Variants in FAM167A observed in about 807,000 individuals in gnomAD.
FAM167A encodes the protein family with sequence similarity 167 member A.
A neutral mutation model predicts 14.9 loss-of-function variants in FAM167A; 23 were observed. The observed-to-expected ratio is 1.55, with a 90% confidence interval of 1.11 to 2.19. FAM167A has a LOEUF of 2.19. FAM167A is among the 30% of genes most tolerant of loss of function. FAM167A has a pLI of 0.00. For synonymous variants in FAM167A, 174 were observed against 117.7 expected (o/e 1.48, Z -3.10); for missense variants, 401 against 281.5 (o/e 1.42, Z -3.04).
chr8:11,473,087 G>A lies in FAM167A; in HGVS notation c.-398+2779C>T, dbSNP rs1200587831. 2.6e-5 allele frequency among the ~76,000 whole-genome samples: 4 copies of A among 152,358 alleles called. No homozygotes were observed. In the East Asian group the frequency reaches 5.8e-4, roughly 22 times the overall value. On this transcript the variant is annotated intron_variant, in intron 1 of 1. Transcript: ENST00000648766. ...GAGGTGGCCCTTGACCTGCAGGCAA[G>A]ACCAGGACCTGCAGTAGAGCTCTGC...
chr8:11,472,774 T>C (rs1420937801), intron 1 of FAM167A, among the ~76,000 whole-genome samples: 1 of 152,156 alleles, frequency 6.6e-6, no homozygotes, highest in Non-Finnish European at 1.5e-5. Flanking sequence ...TCACTTCCTT[T>C]GGTTGGATGG....
At chr8:11,452,504 A>G (rs1376387988) in intron 1 of FAM167A, among the ~76,000 whole-genome samples, 1 of 152,188 alleles carries the variant, frequency 6.6e-6, no homozygotes, top group Non-Finnish European at 1.5e-5. Context: ...AGAGGCAGAA[A>G]GAGCATGAAG....
intron 1 of FAM167A, among the ~76,000 whole-genome samples, chr8:11,463,485 G>C (rs1016720737): frequency 6.6e-6 from 1 of 152,194 alleles, no homozygotes; most frequent in Non-Finnish European, 1.5e-5. Context: ...GCTCGCAGAG[G>C]CTCCGCTGGC....
At chr8:11,447,445 G>A (rs946417568) in intron 1 of FAM167A, among the ~76,000 whole-genome samples, 1 of 152,198 alleles carries the variant, frequency 6.6e-6, no homozygotes, top group Non-Finnish European at 1.5e-5. Context: ...ACCATGTCAG[G>A]ACCATCTGGT....
chr8:11,448,321 G>T (rs115514143), intron 1 of FAM167A, among the ~76,000 whole-genome samples: 2 of 149,752 alleles, frequency 1.3e-5, no homozygotes, highest in Admixed American at 1.3e-4. Context: ...CATCTACCTC[G>T]TAAGTCCTAA....
At chr8:11,471,199 G>A (rs981856444), upstream of FAM167A, among the ~76,000 whole-genome samples, 5 of 152,216 alleles carry the variant, frequency 3.3e-5, no homozygotes, top group African/African-American at 1.2e-4. Context: ...TGAGGCAGCA[G>A]AGGGAACTGC....
intron 1 of FAM167A, among the ~76,000 whole-genome samples, chr8:11,462,232 T>C (rs1807569265): frequency 1.3e-5 from 2 of 152,110 alleles, no homozygotes; most frequent in Non-Finnish European, 1.5e-5. Context: ...TGGAGCAAGT[T>C]AGAACAGGGC....
At chr8:11,463,466 G>T (rs1377035972) in intron 1 of FAM167A, among the ~76,000 whole-genome samples, 1 of 152,232 alleles carries the variant, frequency 6.6e-6, no homozygotes, top group Non-Finnish European at 1.5e-5. Flanking sequence ...GGGCTGCTGT[G>T]CCCAGCCAGC....
intron 1 of FAM167A, among the ~76,000 whole-genome samples, chr8:11,450,453 G>C (rs532043696): frequency 6.6e-6 from 1 of 152,244 alleles, no homozygotes; most frequent in South Asian, 2.1e-4. Flanking sequence ...AGACAGGTTC[G>C]GGACCTTGCC....
chr8:11,453,527 C>T (rs996272705), intron 1 of FAM167A, among the ~76,000 whole-genome samples: 6 of 152,170 alleles, frequency 3.9e-5, no homozygotes, highest in Admixed American at 1.3e-4. Flanking sequence ...CCCAGTGGCA[C>T]TCAGACTGTA....
At chr8:11,439,479 C>T (rs1434412975) in intron 2 of FAM167A, among the ~76,000 whole-genome samples, 5 of 152,278 alleles carry the variant, frequency 3.3e-5, no homozygotes, top group African/African-American at 1.2e-4. Context: ...CTCGAAGCCA[C>T]GCTGTGGCCA....
intron 2 of FAM167A, among the ~76,000 whole-genome samples, chr8:11,426,909 A>G (rs984157485): frequency 6.6e-6 from 1 of 152,196 alleles, no homozygotes. Context: ...GTCTCAGGCG[A>G]GCAGAGGGAT....
chr8:11,453,074 T>G (rs1429121951), intron 1 of FAM167A, among the ~76,000 whole-genome samples: 1 of 152,190 alleles, frequency 6.6e-6, no homozygotes, highest in Admixed American at 6.5e-5. Context: ...CGCTGTCCCC[T>G]TCTCCACAAA....
At chr8:11,456,294 G>A (rs1807293342) in intron 1 of FAM167A, among the ~76,000 whole-genome samples, 1 of 152,034 alleles carries the variant, frequency 6.6e-6, no homozygotes, top group Admixed American at 6.5e-5. Context: ...GTATCAGTGT[G>A]AGTGTGAGGT....
At chr8:11,439,549 A>C (rs761141557) in intron 2 of FAM167A, among the ~76,000 whole-genome samples, 50 of 140,394 alleles carry the variant, frequency 3.6e-4, no homozygotes, top group Non-Finnish European at 5.9e-4. Context: ...CTAAGTGATG[A>C]AAACTTGTCA....
chr8:11,434,310 G>C (rs937108927), intron 2 of FAM167A, among the ~76,000 whole-genome samples: 5 of 152,200 alleles, frequency 3.3e-5, no homozygotes, highest in African/African-American at 1.2e-4. Context: ...GAGCCTGGCT[G>C]GTCCTGGGTT....
upstream of FAM167A, among the ~76,000 whole-genome samples, chr8:11,468,198 T>C (rs1807847939): frequency 1.3e-5 from 2 of 152,204 alleles, no homozygotes. Context: ...CTCAGCTGCT[T>C]CTGCTTAAAG....
intron 2 of FAM167A, among the ~76,000 whole-genome samples, chr8:11,427,326 G>A (rs1805242832): frequency 1.3e-5 from 2 of 152,212 alleles, no homozygotes; most frequent in African/African-American, 4.8e-5. Flanking sequence ...GGTACATAGG[G>A]ACTGGCTTAG....
At chr8:11,428,375 T>C (rs1285921090) in intron 2 of FAM167A, among the ~76,000 whole-genome samples, 1 of 152,246 alleles carries the variant, frequency 6.6e-6, no homozygotes, top group Non-Finnish European at 1.5e-5. Context: ...AAGGCCTGTG[T>C]CAGTTTCCAT....
Sources: allele counts gnomAD v4.1 joint callset (sites outside exome capture counted in the v4.1 genomes callset), GRCh38; gene constraint gnomAD v4.1.1; transcripts MANE v1.5; gene names NCBI Gene and HGNC (gene_info 2026-07-23, HGNC 2026-07-21).